The following MGAT4C variants were observed in gnomAD, a reference collection of about 807,000 sequenced individuals.
MGAT4C encodes the protein MGAT4 family member C, also known as alpha-1,3-mannosyl-glycoprotein 4-beta-N-acetylglucosaminyltransferase C.
In MGAT4C, 19 loss-of-function variants were observed where a neutral mutation model predicts 40.1. The observed-to-expected ratio is 0.47, with a 90% CI of 0.33 to 0.70. MGAT4C has a LOEUF of 0.70. Among genes scored for constraint, MGAT4C ranks in the 30% least tolerant of loss-of-function variants. MGAT4C has a pLI of 0.02. For missense variants in MGAT4C, 491 were observed against 563.2 expected (o/e 0.87, Z 1.30); for synonymous variants, 181 against 187.1 (o/e 0.97, Z 0.27).
intron 1 of MGAT4C, among the ~76,000 whole-genome samples, chr12:86,247,900 G>A (rs1952100190): frequency 6.6e-6 from 1 of 152,146 alleles, no homozygotes; most frequent in Non-Finnish European, 1.5e-5. Flanking sequence ...GGGGAAAGGA[G>A]TGTCATGTTC....
chr12:86,218,907 G>C (rs1950771451), intron 1 of MGAT4C, among the ~76,000 whole-genome samples: 1 of 152,148 alleles, frequency 6.6e-6, no homozygotes, highest in Non-Finnish European at 1.5e-5. Flanking sequence ...CAGGCCAGGC[G>C]TGGTGGCTTA....
At chr12:86,629,691 T>C (rs1198606341) in intron 2 of MGAT4C, among the ~76,000 whole-genome samples, 2 of 152,144 alleles carry the variant, frequency 1.3e-5, no homozygotes, top group African/African-American at 4.8e-5. Context: ...AATAAAGATG[T>C]TCTTTGAAAC....
At chr12:86,723,808 T>C (rs1216092591) in intron 2 of MGAT4C, among the ~76,000 whole-genome samples, 2 of 152,216 alleles carry the variant, frequency 1.3e-5, no homozygotes, top group East Asian at 3.8e-4. Flanking sequence ...TAAAGTGCTA[T>C]TGTAACATTT....
intron 3 of MGAT4C, among the ~76,000 whole-genome samples, chr12:86,367,443 C>G (rs984277621): frequency 6.6e-6 from 1 of 152,108 alleles, no homozygotes; most frequent in Admixed American, 6.5e-5. Context: ...CAGATAAGCA[C>G]AACAAACAGA....
At chr12:86,472,986 C>T (rs1036668247) in intron 2 of MGAT4C, among the ~76,000 whole-genome samples, 1 of 152,082 alleles carries the variant, frequency 6.6e-6, no homozygotes, top group Non-Finnish European at 1.5e-5. Context: ...GATGGAGTCT[C>T]GCTCTGTTAC....
intron 4 of MGAT4C, among the ~76,000 whole-genome samples, chr12:86,327,708 C>T (rs1479711494): frequency 2.0e-5 from 3 of 151,966 alleles, no homozygotes; most frequent in Non-Finnish European, 4.4e-5. Context: ...GGAAATTCCA[C>T]CTACAAAAAA....
intron 4 of MGAT4C, among the ~76,000 whole-genome samples, chr12:86,311,865 G>T (rs1954085361): frequency 6.6e-6 from 1 of 152,028 alleles, no homozygotes; most frequent in Admixed American, 6.6e-5. Context: ...GATACCACTG[G>T]CACTCTCCAC....
At chr12:86,137,432 A>G (rs574664578) in intron 1 of MGAT4C, among the ~76,000 whole-genome samples, 1 of 152,298 alleles carries the variant, frequency 6.6e-6, no homozygotes, top group African/African-American at 2.4e-5. Flanking sequence ...ATAATTGTAT[A>G]TATGACTTTG....
rs370923369 is a variant in MGAT4C at position 86,298,142 on chromosome 12, TA to T, written c.-57+35922del. Among the ~76,000 whole-genome samples, 38 of 151,010 alleles carry T rather than the reference TA, an allele frequency of 2.5e-4. 1 individual carries two copies. In the East Asian group the frequency reaches 6.6e-3, roughly 26 times the overall value. ...GCCCTAAAGGGTAAAAAGCAAAAGTTAAAAAAAAATCAATGGGTTTAACTGT... is the reference window on the plus strand; with the variant it reads ...GCCCTAAAGGGTAAAAAGCAAAAGTTAAAAAAAATCAATGGGTTTAACTGT... On this transcript the variant is annotated intron_variant, in intron 4 of 7. Coordinates refer to the MGAT4C transcript ENST00000548651.
intron 1 of MGAT4C, among the ~76,000 whole-genome samples, chr12:86,053,410 T>C (rs1040523222): frequency 6.6e-6 from 1 of 151,744 alleles, no homozygotes; most frequent in Non-Finnish European, 1.5e-5. Flanking sequence ...TGGAGCTGAG[T>C]ATCCCCTGGG....
chr12:86,461,657 C>T (rs1957604017), intron 2 of MGAT4C, among the ~76,000 whole-genome samples: 1 of 152,020 alleles, frequency 6.6e-6, no homozygotes, highest in South Asian at 2.1e-4. Flanking sequence ...TTAATAAAGG[C>T]TCATAAAGTG....
intron 1 of MGAT4C, among the ~76,000 whole-genome samples, chr12:86,732,210 G>C (rs1229850022): frequency 6.6e-6 from 1 of 151,972 alleles, no homozygotes; most frequent in Non-Finnish European, 1.5e-5. Flanking sequence ...CTTATGCCTT[G>C]GATACTCTTT....
intron 3 of MGAT4C, among the ~76,000 whole-genome samples, chr12:86,404,756 A>C (rs1252000283): frequency 5.9e-5 from 9 of 152,200 alleles, no homozygotes; most frequent in Non-Finnish European, 1.2e-4. Flanking sequence ...AATTATTGTT[A>C]GGAAGATTAC....
At chr12:86,319,265 A>C (rs2136159522) in intron 4 of MGAT4C, among the ~76,000 whole-genome samples, 1 of 152,274 alleles carries the variant, frequency 6.6e-6, no homozygotes, top group Admixed American at 6.5e-5. Flanking sequence ...TTTAGGATAA[A>C]ATTCTAAAGA....
intron 3 of MGAT4C, among the ~76,000 whole-genome samples, chr12:86,430,214 T>A (rs1957006403): frequency 6.6e-6 from 1 of 152,188 alleles, no homozygotes; most frequent in African/African-American, 2.4e-5. Flanking sequence ...ATGCAACATC[T>A]TTTTTAGTAT....
At chr12:86,634,535 C>G (rs929704012) in intron 2 of MGAT4C, among the ~76,000 whole-genome samples, 2 of 152,076 alleles carry the variant, frequency 1.3e-5, no homozygotes, top group African/African-American at 4.8e-5. Context: ...TGGCTGCATT[C>G]CTTTTGGAGC....
rs538878382 is a variant in MGAT4C, at chr12:86,178,337, T to C, written c.-57+77902A>G. ...GTAAATACATTGATAGAAGATTAAG[T>C]TGATAATTTGCATAGAGCATATTGG... On this transcript the variant is annotated intron_variant, in intron 1 of 4. Coordinates refer to ENST00000611864, the MANE Select transcript of MGAT4C (RefSeq NM_001351288.2). Among the ~76,000 whole-genome samples, 4 of 152,370 alleles carry C rather than the reference T, an allele frequency of 2.6e-5. No homozygotes were observed. In the East Asian group the frequency reaches 5.8e-4, roughly 22 times the overall value.
At chr12:85,994,270 G>T (rs1886337629) in intron 2 of MGAT4C, among the ~76,000 whole-genome samples, 1 of 152,202 alleles carries the variant, frequency 6.6e-6, no homozygotes, top group Non-Finnish European at 1.5e-5. Flanking sequence ...TCCAAATTCT[G>T]CAAATTGTAA....
At chr12:86,154,590 T>C (rs534074107) in intron 1 of MGAT4C, among the ~76,000 whole-genome samples, 57 of 152,324 alleles carry the variant, frequency 3.7e-4, no homozygotes, top group African/African-American at 1.4e-3. Flanking sequence ...CTGAGATCAG[T>C]TGGTAACCTG....
Sources: gnomAD v4.1 joint callset for allele counts (sites outside exome capture counted in the v4.1 genomes callset) on GRCh38, gnomAD v4.1.1 for gene constraint, MANE v1.5 for transcripts, NCBI Gene and HGNC (gene_info 2026-07-23, HGNC 2026-07-21) for gene names.